MRRF: variants seen among roughly 807,000 people sequenced by gnomAD.
MRRF encodes ribosome-recycling factor, mitochondrial.
In MRRF, 18 loss-of-function variants were observed where a neutral mutation model predicts 25.1. The observed-to-expected ratio is 0.72, with a 90% confidence interval of 0.50 to 1.06. The LOEUF is 1.06. Among genes scored for constraint, MRRF ranks in the 50% least tolerant of loss-of-function variants. The pLI, the probability that MRRF is intolerant of heterozygous loss-of-function variation, is 0.00. For missense variants in MRRF, 323 were observed against 319.3 expected (o/e 1.01, Z -0.09); for synonymous variants, 113 against 112.1 (o/e 1.01, Z -0.05).
In MRRF at chr9:122,278,159, C is replaced by G. The variant is rs557038191; in HGVS notation, c.185-2284C>G. The stretch of plus-strand genomic sequence containing the variant: ...TCCCTCTCTCTCTCTTTTTTAAATT[C>G]TGCTGATTTGGAAGATATACTTTTA... On this transcript the variant is annotated intron_variant, in intron 2 of 6. Coordinates refer to ENST00000344641, the MANE Select transcript of MRRF (RefSeq NM_138777.5). Among the ~76,000 whole-genome samples, 288 of 150,610 alleles carry G rather than the reference C, an allele frequency of 1.9e-3. 2 individuals carry two copies. The highest frequency in any genetic ancestry group is 6.5e-3 in the African/African-American group (269 of 41,144).
chr9:122,278,870 A>G (rs1046110032), intron 2 of MRRF, among the ~76,000 whole-genome samples: 1 of 149,946 alleles, frequency 6.7e-6, no homozygotes, highest in South Asian at 2.1e-4. Context: ...GTGTTTCTCA[A>G]TCCGAAGATC....
chr9:122,323,658 T>C lies in MRRF; in HGVS notation c.*1041T>C, dbSNP rs1684110046. The C allele has an allele frequency of 6.6e-6, 1 of 152,230 alleles. No individual in the cohort carries two copies. Among genetic ancestry groups the C allele is most frequent in the South Asian group, 2.1e-4 (1 of 4,832 alleles). 9.4% of individuals were successfully genotyped at this position (152,230 alleles called of 1,614,324 possible). The stretch of plus-strand genomic sequence containing the variant: ...TTTTTTTCCCTCCAATTATTTTTTA[T>C]TCATTCATTCATTCCTAATATAGCC... On this transcript the variant is annotated 3_prime_UTR_variant, in exon 7 of 7. Coordinates refer to ENST00000344641, the MANE Select transcript of MRRF (RefSeq NM_138777.5).
chr9:122,265,087 C>G (rs1272733917), intron 1 of MRRF, 149 bp downstream of exon 1: 1 of 146,456 alleles, frequency 6.8e-6, no homozygotes, highest in African/African-American at 2.5e-5. Flanking sequence ...AGGGCGGGAC[C>G]TGTGGCATTG....
intron 4 of MRRF, chr9:122,286,177 C>T: frequency 1.6e-6 from 2 of 1,287,846 alleles, no homozygotes; most frequent in Non-Finnish European, 2.0e-6. Flanking sequence ...GTGAAGGAAT[C>T]CTCCTGTTCT....
At chr9:122,317,442 C>G (rs901734990) in intron 6 of MRRF, among the ~76,000 whole-genome samples, 3 of 151,882 alleles carry the variant, frequency 2.0e-5, no homozygotes, top group African/African-American at 4.8e-5. Context: ...TAATCAAGAG[C>G]CTTATTTATA....
rs1373043557 is a variant in MRRF, at chr9:122,325,894, A to T, written c.*3277A>T. 1 of 151,080 alleles carries T rather than the reference A, an allele frequency of 6.6e-6. No homozygotes were observed. The highest frequency in any genetic ancestry group is 1.5e-5 in the Non-Finnish European group (1 of 67,894). The allele number at this position is 151,080 out of a possible 1,614,324, so 9.4% of individuals were successfully genotyped here. On this transcript the variant is annotated 3_prime_UTR_variant, in exon 7 of 7. Transcript: ENST00000344641. ...TCATGCAGTGGCACAATCATAGCTC[A>T]CTGCAGCCTTGAACTCTTTGGCTCA...
At position 122,327,219 on chromosome 9, in the gene MRRF, A is replaced by G. The variant is rs1743895208; in HGVS notation, c.*4602A>G. On this transcript the variant is annotated 3_prime_UTR_variant, in exon 7 of 7. Coordinates refer to ENST00000344641, the MANE Select transcript of MRRF (RefSeq NM_138777.5). The stretch of plus-strand genomic sequence containing the variant: ...TTGGCCAACTTCTCTAGAATATGTC[A>G]GAGAGCAAGCAAAATGTTCACCAAG... 6.6e-6 allele frequency: 1 copy of G among 152,230 alleles called. No individual in the cohort carries two copies. The highest frequency in any genetic ancestry group is 1.5e-5 in the Non-Finnish European group (1 of 68,046). The allele number at this position is 152,230 out of a possible 1,614,324, so 9.4% of individuals were successfully genotyped here.
At chr9:122,274,647 G>A (rs983475388) in intron 2 of MRRF, among the ~76,000 whole-genome samples, 1 of 150,784 alleles carries the variant, frequency 6.6e-6, no homozygotes, top group Non-Finnish European at 1.5e-5. Flanking sequence ...TCTTGATTTA[G>A]TAAGTTATAT....
At chr9:122,298,911 A>C (rs1160837077) in intron 5 of MRRF, among the ~76,000 whole-genome samples, 2 of 152,156 alleles carry the variant, frequency 1.3e-5, no homozygotes, top group African/African-American at 4.8e-5. Context: ...GATGTTCATG[A>C]AGTATTCAGA....
intron 5 of MRRF, among the ~76,000 whole-genome samples, chr9:122,308,264 C>T (rs1412330272): frequency 6.6e-6 from 1 of 152,194 alleles, no homozygotes; most frequent in Non-Finnish European, 1.5e-5. Flanking sequence ...GGCTCCTGGT[C>T]AGACTCTTGC....
At chr9:122,277,105 C>T (rs1832825363) in intron 2 of MRRF, among the ~76,000 whole-genome samples, 1 of 152,158 alleles carries the variant, frequency 6.6e-6, no homozygotes. Flanking sequence ...AGCAATCTGC[C>T]CACCTCAGCC....
intron 1 of MRRF, among the ~76,000 whole-genome samples, chr9:122,268,585 C>T (rs1279828544): frequency 6.6e-6 from 1 of 152,234 alleles, no homozygotes; most frequent in Non-Finnish European, 1.5e-5. Flanking sequence ...GACTTAATCT[C>T]TCTGAACCTC....
At chr9:122,309,839 C>T (rs976040870) in intron 5 of MRRF, among the ~76,000 whole-genome samples, 8 of 152,190 alleles carry the variant, frequency 5.3e-5, no homozygotes, top group Non-Finnish European at 8.8e-5. Flanking sequence ...GGGCTACATG[C>T]TGAGAGCGTT....
Position 122,301,732 on chromosome 9 carries a change from AT to A in MRRF, c.551+9905del, listed in dbSNP as rs367892122. Among the ~76,000 whole-genome samples the A allele has an allele frequency of 5.6e-3, 798 of 143,114 alleles. 7 individuals are homozygous for A. Among genetic ancestry groups the A allele is most frequent in the African/African-American group, 0.016 (610 of 39,264 alleles). 93.9% of individuals were successfully genotyped at this position (143,114 alleles called of 152,430 possible). A position where few individuals can be genotyped will look rare whatever the true frequency, so the allele number is the denominator to read the frequency against. On this transcript the variant is annotated intron_variant, in intron 5 of 6. Transcript: ENST00000344641. ...TATTCTATGACTTTTCTGCATGGTG[AT>A]TTTTTTTTTTTTCTTTTTGAGATAC...
intron 5 of MRRF, among the ~76,000 whole-genome samples, chr9:122,292,378 A>G (rs77199688): frequency 6.6e-6 from 1 of 151,948 alleles, no homozygotes; most frequent in Non-Finnish European, 1.5e-5. Context: ...TTGAAGAGCT[A>G]TTTTTTTTAC....
chr9:122,267,009 G>A (rs895438931), intron 1 of MRRF, among the ~76,000 whole-genome samples: 2 of 151,338 alleles, frequency 1.3e-5, no homozygotes, highest in Non-Finnish European at 2.9e-5. Context: ...GGCGGAGGTT[G>A]CAGTGAGCCA....
At position 122,328,729 on chromosome 9, in the gene MRRF, T is replaced by TA. The variant is rs1433079247; in HGVS notation, c.*6114dup. 1.3e-5 allele frequency: 2 copies of TA among 152,224 alleles called. No homozygotes were observed. Among genetic ancestry groups the TA allele is most frequent in the African/African-American group, 4.8e-5 (2 of 41,456 alleles). 9.4% of individuals were successfully genotyped at this position (152,224 alleles called of 1,614,324 possible). A position where few individuals can be genotyped will look rare whatever the true frequency, so the allele number is the denominator to read the frequency against. ...CATAAGTGATTTGGTGTTTTAGCCCTAAGCAGATAAAGGATTAGAGATTAG... is the reference window on the plus strand; with the variant it reads ...CATAAGTGATTTGGTGTTTTAGCCCTAAAGCAGATAAAGGATTAGAGATTAG... On this transcript the variant is annotated 3_prime_UTR_variant, in exon 7 of 7. Coordinates refer to ENST00000344641, the MANE Select transcript of MRRF (RefSeq NM_138777.5).
At chr9:122,292,396 C>T (rs1321064784) in intron 5 of MRRF, among the ~76,000 whole-genome samples, 1 of 151,992 alleles carries the variant, frequency 6.6e-6, no homozygotes, top group African/African-American at 2.4e-5. Context: ...TACATTAGTC[C>T]TTGCTAGTCG....
intron 6 of MRRF, among the ~76,000 whole-genome samples, chr9:122,315,626 A>G (rs1015767934): frequency 6.6e-6 from 1 of 152,174 alleles, no homozygotes; most frequent in East Asian, 1.9e-4. Flanking sequence ...TTCAGAGATT[A>G]GGCGGGCCTT....
Sources: gnomAD v4.1 joint callset for allele counts (sites outside exome capture counted in the v4.1 genomes callset) on GRCh38, gnomAD v4.1.1 for gene constraint, MANE v1.5 for transcripts, NCBI Gene and HGNC (gene_info 2026-07-23, HGNC 2026-07-21) for gene names.